Variants in CYFIP2 observed in about 807,000 individuals in gnomAD.
The protein encoded by CYFIP2 is cytoplasmic FMR1-interacting protein 2.
In CYFIP2, 29 loss-of-function variants were observed where a neutral mutation model predicts 158.7. The ratio of observed to expected loss-of-function variants is 0.18; its 90% confidence interval spans 0.14 to 0.25. CYFIP2 has a LOEUF of 0.25. Ranked by LOEUF, CYFIP2 falls within the 10% of genes least tolerant of loss-of-function variation. The probability of loss-of-function intolerance (pLI) is 1.00; values close to 1 mark genes in which losing one functional copy is unlikely to be tolerated. For missense variants in CYFIP2, 852 were observed against 1,639.5 expected, an observed-to-expected ratio of 0.52 and a Z score of 8.29; for synonymous variants, 585 against 617.6, an observed-to-expected ratio of 0.95 and a Z score of 0.78.
At chr5:157,372,804 A>C (rs1306609442) in intron 26 of CYFIP2, among the ~76,000 whole-genome samples, 2 of 152,232 alleles carry the variant, frequency 1.3e-5, no homozygotes, top group East Asian at 3.8e-4. Context: ...GAGGCCAGTG[A>C]GAGACCCTTA....
At chr5:157,322,560 T>C (rs1760684334) in intron 15 of CYFIP2, among the ~76,000 whole-genome samples, 1 of 152,224 alleles carries the variant, frequency 6.6e-6, no homozygotes, top group African/African-American at 2.4e-5. Context: ...GCTTCTCGGC[T>C]CCTAGGGATG....
chr5:157,338,131 C>T (rs2113222173), intron 21 of CYFIP2, among the ~76,000 whole-genome samples: 1 of 152,328 alleles, frequency 6.6e-6, no homozygotes, highest in South Asian at 2.1e-4. Context: ...AATGAGAGTC[C>T]AAAGCGTGTT....
intron 16 of CYFIP2, 107 bp downstream of exon 16, chr5:157,324,181 C>T (rs1283265071): frequency 7.7e-7 from 1 of 1,296,896 alleles, no homozygotes; most frequent in Non-Finnish European, 1.0e-6. Context: ...ACCGTTGACC[C>T]TAAGGGGCAC....
chr5:157,320,770 C>T lies in CYFIP2; in HGVS notation c.1639C>T (p.Pro547Ser). ...CAAAGGTGGATTTGATATCAAGGTGCCCCGGCGTGCTGTGGGGCCATCCAG... is the reference window on the plus strand; with the variant it reads ...CAAAGGTGGATTTGATATCAAGGTGTCCCGGCGTGCTGTGGGGCCATCCAG... ...DPKGGFDIKV[P>S]RRAVGPSSTQ... Residue 547 changes from proline (P) to serine (S), a missense_variant, in exon 15 of 31, where the codon CCC becomes TCC. Physicochemically the swap from Pro to Ser is moderately conservative, Grantham distance 74. Transcript: ENST00000620254. 3 of 1,607,140 alleles carry T rather than the reference C, an allele frequency of 1.9e-6. No homozygotes were observed. The highest frequency in any genetic ancestry group is 8.5e-7 in the Non-Finnish European group (1 of 1,176,608).
At chr5:157,379,932 C>G (rs961914220) in intron 26 of CYFIP2, 1 of 151,894 alleles carries the variant, frequency 6.6e-6, no homozygotes, top group Non-Finnish European at 1.5e-5. Context: ...CTTGAGCATT[C>G]GGGAATCAGA....
chr5:157,347,749 TC>T (rs1428918424), intron 23 of CYFIP2, among the ~76,000 whole-genome samples: 1 of 152,270 alleles, frequency 6.6e-6, no homozygotes, highest in Middle Eastern at 3.2e-3. Context: ...AGAGAAATTT[TC>T]CACTGTGGAA....
At chr5:157,380,021 T>G (rs1385448803) in intron 26 of CYFIP2, 2 of 152,184 alleles carry the variant, frequency 1.3e-5, no homozygotes, top group Non-Finnish European at 2.9e-5. Flanking sequence ...TTGATCAGGT[T>G]GGAGATGGAA....
In CYFIP2 at chr5:157,325,648, A is replaced by C; in HGVS notation, c.1982+10A>C. ...AACCTTCCATGATGGAGTAAGAGGCAGGATTGGGCCAGCAAGTGGCTCCTG... is the reference window on the plus strand; with the variant it reads ...AACCTTCCATGATGGAGTAAGAGGCCGGATTGGGCCAGCAAGTGGCTCCTG... On this transcript the variant is annotated intron_variant, in intron 17 of 30. Coordinates refer to ENST00000620254, the MANE Select transcript of CYFIP2 (RefSeq NM_001037333.3). The C allele has an allele frequency of 6.3e-7, 1 of 1,592,428 alleles. No homozygotes were observed. Among genetic ancestry groups the C allele is most frequent in the Non-Finnish European group, 8.6e-7 (1 of 1,168,310 alleles).
At chr5:157,317,093 G>A (rs139214619) in intron 13 of CYFIP2, among the ~76,000 whole-genome samples, 2 of 151,912 alleles carry the variant, frequency 1.3e-5, no homozygotes, top group East Asian at 3.9e-4. Context: ...TTAATAAAAG[G>A]GATGCGTATG....
chr5:157,272,927 C>T (rs1272650927), intron 1 of CYFIP2, among the ~76,000 whole-genome samples: 1 of 152,144 alleles, frequency 6.6e-6, no homozygotes, highest in Non-Finnish European at 1.5e-5. Flanking sequence ...AGTGCAGTGG[C>T]GTGATCTCAG....
intron 20 of CYFIP2, among the ~76,000 whole-genome samples, chr5:157,331,961 G>A (rs1362319510): frequency 1.3e-5 from 2 of 152,226 alleles, no homozygotes; most frequent in Admixed American, 1.3e-4. Context: ...CCAGTGGAAA[G>A]TACCTTAAGT....
chr5:157,267,188 G>A (rs932157383), intron 1 of CYFIP2, among the ~76,000 whole-genome samples: 1 of 152,254 alleles, frequency 6.6e-6, no homozygotes, highest in African/African-American at 2.4e-5. Flanking sequence ...GGGCTGATGA[G>A]CCATCAGCTG....
chr5:157,366,280 T>C (rs1041856091), intron 26 of CYFIP2, among the ~76,000 whole-genome samples: 1 of 152,342 alleles, frequency 6.6e-6, no homozygotes, highest in Middle Eastern at 3.4e-3. Context: ...TTTTAAGTCA[T>C]CTTTCTTATG....
intron 1 of CYFIP2, among the ~76,000 whole-genome samples, chr5:157,281,035 C>G (rs1405947803): frequency 6.6e-6 from 1 of 152,132 alleles, no homozygotes; most frequent in Non-Finnish European, 1.5e-5. Flanking sequence ...GACTTTCCTC[C>G]CATCTCTCTT....
chr5:157,320,053 T>G (rs971204153), intron 14 of CYFIP2, 125 bp downstream of exon 14: 3 of 1,185,128 alleles, frequency 2.5e-6, no homozygotes, highest in Non-Finnish European at 3.6e-6. Flanking sequence ...GAGGGCTCTT[T>G]AGGAGATTGG....
chr5:157,391,099 G>A (rs1030320048), intron 30 of CYFIP2, among the ~76,000 whole-genome samples: 5 of 152,070 alleles, frequency 3.3e-5, no homozygotes, highest in Admixed American at 3.3e-4. Flanking sequence ...CCAGGAGAGG[G>A]AGGCTGTGTC....
At chr5:157,343,297 C>T (rs928763643) in intron 23 of CYFIP2, 4 of 1,614,064 alleles carry the variant, frequency 2.5e-6, no homozygotes, top group South Asian at 1.1e-5. Context: ...GGAAGGCAGC[C>T]TTCTTACAGC....
intron 23 of CYFIP2, chr5:157,341,490 T>G (rs1762254383): frequency 3.3e-6 from 1 of 306,308 alleles, no homozygotes; most frequent in African/African-American, 2.2e-5. Flanking sequence ...AGTGTTATGC[T>G]GCAGTGAGCA....
rs781003364 is a variant in CYFIP2 at position 157,390,641 on chromosome 5, C to T, written c.3567C>T (p.Asp1189=). The T allele has an allele frequency of 2.5e-5, 39 of 1,585,886 alleles. No homozygotes were observed. Among genetic ancestry groups the T allele is most frequent in the Non-Finnish European group, 2.9e-5 (34 of 1,165,986 alleles). The change falls in exon 30 of 31, where the codon GAC becomes GAT. Residue 1189 remains aspartate (D), a synonymous_variant. Coordinates refer to ENST00000620254, the MANE Select transcript of CYFIP2 (RefSeq NM_001037333.3). ...CYHLLKVQRQ[D]GKDEIIKNVP... is the part of the protein sequence containing the mutation. ...ACCTGCTAAAAGTGCAGAGGCAGGA[C>T]GGGAAGGATGAAATCATTAAGAATG...
Sources: gnomAD v4.1 joint callset for allele counts (sites outside exome capture counted in the v4.1 genomes callset) on GRCh38, gnomAD v4.1.1 for gene constraint, MANE v1.5 for transcripts, NCBI Gene and HGNC (gene_info 2026-07-23, HGNC 2026-07-21) for gene names.